The following ABCC4 variants were observed in gnomAD, a reference collection of about 807,000 sequenced individuals.
The protein encoded by ABCC4 is ATP binding cassette subfamily C member 4 (PEL blood group).
A neutral mutation model predicts 168.5 loss-of-function variants in ABCC4; 102 were observed. The observed-to-expected ratio is 0.61, with a 90% confidence interval of 0.52 to 0.71. The LOEUF (loss-of-function observed/expected upper bound fraction) is 0.71. ABCC4 is among the 30% of genes least tolerant of loss of function. The probability of loss-of-function intolerance (pLI) is 0.00; values close to 1 mark genes in which losing one functional copy is unlikely to be tolerated. For synonymous variants in ABCC4, 617 were observed against 590.7 expected (o/e 1.04, Z -0.65); for missense variants, 1,402 against 1,605.8 (o/e 0.87, Z 2.17).
rs7317118 is a variant in ABCC4 at position 95,104,249 on chromosome 13, G to A, written c.2535+11673C>T. Among the ~76,000 whole-genome samples, 3 of 152,216 alleles carry A rather than the reference G, an allele frequency of 2.0e-5. No homozygotes were observed. In the East Asian group the frequency reaches 5.8e-4, roughly 29 times the overall value. ...TTCTTTCAGCCTCCCAAGTAGCTGGGATTACAGGTGTGCACCACCACTCCC... is the reference window on the plus strand; with the variant it reads ...TTCTTTCAGCCTCCCAAGTAGCTGGAATTACAGGTGTGCACCACCACTCCC... On this transcript the variant is annotated intron_variant, in intron 20 of 30. Transcript: ENST00000645237.
chr13:95,246,259 G>A (rs1171958482), intron 3 of ABCC4, among the ~76,000 whole-genome samples: 2 of 152,146 alleles, frequency 1.3e-5, no homozygotes, highest in African/African-American at 2.4e-5. Context: ...AATCCACTCC[G>A]ACAACAAGGA....
chr13:95,216,035 A>T (rs943271973), intron 4 of ABCC4, among the ~76,000 whole-genome samples: 37 of 152,330 alleles, frequency 2.4e-4, no homozygotes, highest in Admixed American at 1.6e-3. Context: ...ATATTCATTT[A>T]TGTCATTATG....
chr13:95,140,911 GA>G (rs2036298334), intron 19 of ABCC4, among the ~76,000 whole-genome samples: 1 of 152,276 alleles, frequency 6.6e-6, no homozygotes, highest in East Asian at 1.9e-4. Context: ...CCTATTATGG[GA>G]AAATCAGGCT....
At chr13:95,080,415 T>C (rs2766479) in intron 21 of ABCC4, among the ~76,000 whole-genome samples, 127,950 of 151,918 alleles carry the variant, frequency 0.84, 55,660 homozygotes, top group Non-Finnish European at 0.95. Context: ...TTTTGTTTTG[T>C]TTTTTCAGTT....
At position 95,043,746 on chromosome 13, in the gene ABCC4, G is replaced by A. The variant is rs1191595225; in HGVS notation, c.3671C>T (p.Ala1224Val). ...TGCAATGGTTAGCACGGTGCAGTGG[G>A]CAAATTTCTCCCGGATTTTTTTTTG... ...LIQKKIREKFAHCTVLTIAHR... is the reference protein window; with the variant it reads ...LIQKKIREKFVHCTVLTIAHR... The change falls in exon 29 of 31, where the codon GCC (alanine) becomes GTC (valine). Residue 1224 changes from alanine (A) to valine (V), a missense_variant. Coordinates refer to ENST00000645237, the MANE Select transcript of ABCC4 (RefSeq NM_005845.5). 6.2e-7 allele frequency: 1 copy of A among 1,613,820 alleles called. No individual in the cohort carries two copies.
At chr13:95,151,471 T>C (rs1594188175) in intron 19 of ABCC4, among the ~76,000 whole-genome samples, 1 of 120,394 alleles carries the variant, frequency 8.3e-6, no homozygotes, top group Non-Finnish European at 1.7e-5. Flanking sequence ...CAAGACTCTG[T>C]CTCAAGAAAA....
intron 19 of ABCC4, among the ~76,000 whole-genome samples, chr13:95,124,266 C>T (rs941828626): frequency 2.0e-5 from 3 of 152,168 alleles, no homozygotes; most frequent in East Asian, 1.9e-4. Flanking sequence ...GAGATTGACT[C>T]GGCTTCTGCC....
At chr13:95,176,244 G>GT (rs1555326462) in intron 13 of ABCC4, among the ~76,000 whole-genome samples, 2 of 44,960 alleles carry the variant, frequency 4.4e-5, no homozygotes, top group Non-Finnish European at 5.0e-5. Context: ...GGGGGGGGGG[G>GT]GTGGATCCCT....
intron 4 of ABCC4, among the ~76,000 whole-genome samples, chr13:95,228,042 A>G (rs1212194513): frequency 6.6e-6 from 1 of 152,170 alleles, no homozygotes; most frequent in Non-Finnish European, 1.5e-5. Context: ...TATTCAGTCT[A>G]AATATAAAGC....
At chr13:95,120,479 T>C (rs936111382) in intron 19 of ABCC4, among the ~76,000 whole-genome samples, 5 of 149,818 alleles carry the variant, frequency 3.3e-5, no homozygotes, top group Non-Finnish European at 1.5e-5. Context: ...AGGCAGAGAA[T>C]TGCTTGAGCT....
At chr13:95,068,775 G>A (rs2139301648) in intron 25 of ABCC4, among the ~76,000 whole-genome samples, 1 of 152,330 alleles carries the variant, frequency 6.6e-6, no homozygotes, top group South Asian at 2.1e-4. Context: ...ACAGAGGTTT[G>A]TAGATAATTC....
chr13:95,281,839 G>A (rs1256822629), intron 1 of ABCC4, among the ~76,000 whole-genome samples: 1 of 152,112 alleles, frequency 6.6e-6, no homozygotes, highest in Non-Finnish European at 1.5e-5. Context: ...AGGCACTATG[G>A]CTCACACCTG....
intron 19 of ABCC4, among the ~76,000 whole-genome samples, chr13:95,120,390 C>A (rs2035525344): frequency 6.6e-6 from 1 of 151,744 alleles, no homozygotes; most frequent in African/African-American, 2.4e-5. Flanking sequence ...GATGGTGAAA[C>A]CCTGTCTCTA....
At chr13:95,022,755 A>T (rs2139189700) in intron 30 of ABCC4, among the ~76,000 whole-genome samples, 1 of 152,348 alleles carries the variant, frequency 6.6e-6, no homozygotes, top group Middle Eastern at 3.4e-3. Context: ...CTGTCAACAA[A>T]GTTATCACTG....
chr13:95,047,097 C>A (rs2032610175), intron 27 of ABCC4, among the ~76,000 whole-genome samples: 1 of 152,144 alleles, frequency 6.6e-6, no homozygotes, highest in Non-Finnish European at 1.5e-5. Flanking sequence ...TAGCAAAATA[C>A]CGTATTAACA....
intron 20 of ABCC4, among the ~76,000 whole-genome samples, chr13:95,084,997 C>T (rs1028315885): frequency 2.0e-5 from 3 of 152,248 alleles, no homozygotes; most frequent in South Asian, 2.1e-4. Flanking sequence ...TAGTCCCTAC[C>T]TACTCTGAAA....
At chr13:95,166,711 T>C (rs189131403) in intron 14 of ABCC4, among the ~76,000 whole-genome samples, 57 of 152,240 alleles carry the variant, frequency 3.7e-4, no homozygotes, top group Non-Finnish European at 6.6e-4. Flanking sequence ...AATGAGTAAA[T>C]TGAGGAGGAT....
chr13:95,296,379 T>C (rs183133176), intron 1 of ABCC4, among the ~76,000 whole-genome samples: 6 of 152,210 alleles, frequency 3.9e-5, no homozygotes, highest in African/African-American at 7.2e-5. Context: ...ATTTGATGCA[T>C]TGACTGAGGG....
At chr13:95,129,966 T>C (rs1384445574) in intron 19 of ABCC4, among the ~76,000 whole-genome samples, 1 of 151,696 alleles carries the variant, frequency 6.6e-6, no homozygotes, top group African/African-American at 2.4e-5. Flanking sequence ...TCCCAGCTAC[T>C]TGGGAGGCTG....
Sources: gnomAD v4.1 joint callset for allele counts (sites outside exome capture counted in the v4.1 genomes callset) on GRCh38, gnomAD v4.1.1 for gene constraint, MANE v1.5 for transcripts, NCBI Gene and HGNC (gene_info 2026-07-23, HGNC 2026-07-21) for gene names.